Variants in STK3 observed in about 807,000 individuals in gnomAD.
The protein encoded by STK3 is serine/threonine kinase 3.
Under a neutral mutation model 58.0 loss-of-function variants are expected in STK3, and 41 were observed. The ratio of observed to expected loss-of-function variants is 0.71; its 90% CI spans 0.55 to 0.92. The LOEUF is 0.92. Among genes scored for constraint, STK3 ranks in the 40% least tolerant of loss-of-function variants. STK3 has a pLI of 0.00. For synonymous variants in STK3, 170 were observed against 191.0 expected (o/e 0.89, Z 0.91); for missense variants, 479 against 602.7 (o/e 0.79, Z 2.15).
intron 1 of STK3, among the ~76,000 whole-genome samples, chr8:98,909,817 A>T (rs1839061747): frequency 6.6e-6 from 1 of 152,260 alleles, no homozygotes; most frequent in African/African-American, 2.4e-5. Flanking sequence ...TGCTATAAAC[A>T]TTCATGTTCA....
intron 1 of STK3, among the ~76,000 whole-genome samples, chr8:98,383,488 C>A (rs184231037): frequency 1.1e-3 from 162 of 152,334 alleles, no homozygotes; most frequent in African/African-American, 3.6e-3. Flanking sequence ...GCTGATTTTG[C>A]CTCTTGTGAA....
chr8:98,592,768 TA>T (rs1815436105), intron 7 of STK3, among the ~76,000 whole-genome samples: 2 of 150,812 alleles, frequency 1.3e-5, no homozygotes, highest in African/African-American at 4.9e-5. Flanking sequence ...TTTATTTATT[TA>T]TTTATTTATT....
chr8:98,884,999 G>A (rs1837927801), intron 1 of STK3, among the ~76,000 whole-genome samples: 1 of 152,166 alleles, frequency 6.6e-6, no homozygotes. Flanking sequence ...CCGTGTGGTT[G>A]GGCATGGTGT....
intron 10 of STK3, among the ~76,000 whole-genome samples, chr8:98,505,579 G>C (rs1008077497): frequency 7.9e-5 from 12 of 152,298 alleles, no homozygotes; most frequent in Non-Finnish European, 1.6e-4. Context: ...GGGTTTTGGT[G>C]TAGATGACCT....
intron 9 of STK3, among the ~76,000 whole-genome samples, chr8:98,538,926 A>C (rs1810003192): frequency 6.6e-6 from 1 of 152,232 alleles, no homozygotes; most frequent in South Asian, 2.1e-4. Context: ...TTTGTAAAGG[A>C]AAATGAATGA....
chr8:98,907,477 C>A (rs1838960711), intron 1 of STK3, among the ~76,000 whole-genome samples: 1 of 152,166 alleles, frequency 6.6e-6, no homozygotes, highest in Non-Finnish European at 1.5e-5. Context: ...TGTGCCACTG[C>A]ACTCCAGCCT....
intron 6 of STK3, among the ~76,000 whole-genome samples, chr8:98,654,585 C>G (rs1205092465): frequency 2.0e-5 from 3 of 152,100 alleles, no homozygotes; most frequent in Non-Finnish European, 4.4e-5. Context: ...CTAGAAAACC[C>G]CATTGTGTTA....
intron 1 of STK3, among the ~76,000 whole-genome samples, chr8:98,384,640 T>C (rs991505629): frequency 1.3e-5 from 2 of 152,020 alleles, no homozygotes; most frequent in African/African-American, 4.8e-5. Flanking sequence ...AAAGAAGGGA[T>C]CTCAGGCCCT....
intron 10 of STK3, among the ~76,000 whole-genome samples, chr8:98,490,643 T>G (rs1406120044): frequency 6.6e-6 from 1 of 152,216 alleles, no homozygotes; most frequent in Non-Finnish European, 1.5e-5. Flanking sequence ...GCACAGTGTC[T>G]GGCACAGAGA....
chr8:98,710,654 T>G (rs1191278845), intron 4 of STK3, among the ~76,000 whole-genome samples: 2 of 152,220 alleles, frequency 1.3e-5, no homozygotes, highest in African/African-American at 2.4e-5. Flanking sequence ...AAGCTCAAAC[T>G]GGGTGCAGCC....
chr8:98,648,475 G>C (rs1820583181), intron 6 of STK3, among the ~76,000 whole-genome samples: 1 of 151,908 alleles, frequency 6.6e-6, no homozygotes, highest in South Asian at 2.1e-4. Context: ...AAATTCTAGG[G>C]GTAAAACTGC....
intron 6 of STK3, among the ~76,000 whole-genome samples, chr8:98,701,186 AAGGG>A (rs371125769): frequency 8.0e-5 from 11 of 138,258 alleles, no homozygotes; most frequent in Middle Eastern, 3.5e-3. Context: ...GGATGGAAGG[AAGGG>A]AGGGAGGGAG....
At chr8:98,436,059 T>C (rs1363877308) in intron 2 of STK3, among the ~76,000 whole-genome samples, 1 of 152,180 alleles carries the variant, frequency 6.6e-6, no homozygotes, top group African/African-American at 2.4e-5. Flanking sequence ...AGTGCTTTCC[T>C]AATAGCCAAA....
chr8:98,529,294 G>A (rs186231122), intron 9 of STK3, among the ~76,000 whole-genome samples: 2 of 152,050 alleles, frequency 1.3e-5, no homozygotes, highest in Non-Finnish European at 2.9e-5. Context: ...AAGGGGGGGG[G>A]ACGGAGATTG....
chr8:98,691,931 C>CA (rs34109446), intron 6 of STK3, among the ~76,000 whole-genome samples: 4,753 of 104,434 alleles, frequency 0.046, 76 homozygotes, highest in South Asian at 0.063. Flanking sequence ...AACTCCGCCT[C>CA]AAAAAAAAAA....
intron 6 of STK3, among the ~76,000 whole-genome samples, chr8:98,657,885 T>C (rs182843413): frequency 7.5e-4 from 110 of 147,046 alleles, no homozygotes; most frequent in Middle Eastern, 6.8e-3. Context: ...CTGTAATGGA[T>C]CCTTTACACA....
Position 98,587,655 on chromosome 8 carries a change from T to C in STK3, c.823-7866A>G, listed in dbSNP as rs1563772456. 2.0e-5 allele frequency among the ~76,000 whole-genome samples: 3 copies of C among 152,080 alleles called. No homozygotes were observed. In the South Asian group the frequency reaches 6.2e-4, roughly 32 times the overall value. On this transcript the variant is annotated intron_variant, in intron 7 of 10. Coordinates refer to ENST00000419617, the MANE Select transcript of STK3 (RefSeq NM_006281.4). ...TGAGTTCAATTCCTGGGTATCCTTGTTGACTTTCTGTCTCGTTGATCTGTC... is the reference window on the plus strand; with the variant it reads ...TGAGTTCAATTCCTGGGTATCCTTGCTGACTTTCTGTCTCGTTGATCTGTC...
intron 8 of STK3, among the ~76,000 whole-genome samples, chr8:98,560,423 A>G (rs1811920369): frequency 6.6e-6 from 1 of 152,108 alleles, no homozygotes; most frequent in African/African-American, 2.4e-5. Flanking sequence ...TACCAGCAAT[A>G]AATGACTGAA....
chr8:98,351,483 G>A, the STK3 span, among the ~76,000 whole-genome samples: 31 of 152,180 alleles, frequency 2.0e-4, no homozygotes, highest in Non-Finnish European at 3.8e-4. Context: ...ATGAGTAATT[G>A]TAGGATATTC....
Sources: gnomAD v4.1 joint callset for allele counts (sites outside exome capture counted in the v4.1 genomes callset) on GRCh38, gnomAD v4.1.1 for gene constraint, MANE v1.5 for transcripts, NCBI Gene and HGNC (gene_info 2026-07-23, HGNC 2026-07-21) for gene names.